CDK19: variants seen among roughly 807,000 people sequenced by gnomAD.
The protein encoded by CDK19 is cyclin-dependent kinase 19.
In CDK19, 20 loss-of-function variants were observed where a neutral mutation model predicts 68.3. The observed-to-expected ratio is 0.29, with a 90% CI of 0.21 to 0.43. The LOEUF is 0.43. Among genes scored for constraint, CDK19 ranks in the 20% least tolerant of loss-of-function variants. The pLI, the probability that CDK19 is intolerant of heterozygous loss-of-function variation, is 1.00. For synonymous variants in CDK19, 221 were observed against 222.8 expected (o/e 0.99, Z 0.07); for missense variants, 339 against 623.5 (o/e 0.54, Z 4.86).
chr6:110,701,246 G>C (rs2114636941), intron 2 of CDK19, among the ~76,000 whole-genome samples: 2 of 141,920 alleles, frequency 1.4e-5, no homozygotes, highest in South Asian at 2.3e-4. Context: ...AAAGAAAAAA[G>C]AAAAAGAAAA....
intron 2 of CDK19, among the ~76,000 whole-genome samples, chr6:110,735,245 C>G (rs560792267): frequency 6.6e-6 from 1 of 152,018 alleles, no homozygotes; most frequent in South Asian, 2.1e-4. Context: ...CCACGCCCAG[C>G]ACACAAATTT....
intron 2 of CDK19, among the ~76,000 whole-genome samples, chr6:110,742,428 AG>A (rs1016228051): frequency 1.3e-5 from 2 of 152,200 alleles, no homozygotes; most frequent in Non-Finnish European, 2.9e-5. Context: ...ATATGAAATC[AG>A]TGCACCCTGA....
At chr6:110,632,003 A>T in intron 6 of CDK19, 27 bp downstream of exon 6, 1 of 1,580,748 alleles carries the variant, frequency 6.3e-7, no homozygotes, top group Non-Finnish European at 8.6e-7. Context: ...AGATGACAAG[A>T]TAGTAAATCA....
At chr6:110,737,269 G>A (rs533946674) in intron 2 of CDK19, among the ~76,000 whole-genome samples, 2 of 152,208 alleles carry the variant, frequency 1.3e-5, no homozygotes, top group Non-Finnish European at 2.9e-5. Context: ...GATGAGCAAA[G>A]CTGATATCTT....
At chr6:110,733,074 C>T (rs564572368) in intron 2 of CDK19, among the ~76,000 whole-genome samples, 1 of 152,210 alleles carries the variant, frequency 6.6e-6, no homozygotes, top group Admixed American at 6.5e-5. Context: ...ATTTTCATTA[C>T]CCTGTAAAGT....
chr6:110,751,974 T>C (rs1241478314), intron 1 of CDK19, among the ~76,000 whole-genome samples: 2 of 152,098 alleles, frequency 1.3e-5, no homozygotes, highest in African/African-American at 4.8e-5. Flanking sequence ...TATTATGTGA[T>C]GATTTGGCTT....
At chr6:110,757,671 T>A (rs1255817601) in intron 1 of CDK19, among the ~76,000 whole-genome samples, 1 of 152,200 alleles carries the variant, frequency 6.6e-6, no homozygotes, top group Non-Finnish European at 1.5e-5. Flanking sequence ...GTGTGACATG[T>A]AATGACAACA....
At chr6:110,759,659 T>G (rs1779100830) in intron 1 of CDK19, among the ~76,000 whole-genome samples, 1 of 151,678 alleles carries the variant, frequency 6.6e-6, no homozygotes, top group Non-Finnish European at 1.5e-5. Flanking sequence ...ATATTAACAC[T>G]GGAGATAATT....
At chr6:110,811,484 G>A (rs1479769365) in intron 1 of CDK19, among the ~76,000 whole-genome samples, 1 of 152,184 alleles carries the variant, frequency 6.6e-6, no homozygotes, top group East Asian at 1.9e-4. Flanking sequence ...CTGGTCTCAG[G>A]TGATCCACCT....
At chr6:110,709,915 A>T (rs1190885713) in intron 2 of CDK19, among the ~76,000 whole-genome samples, 1 of 152,218 alleles carries the variant, frequency 6.6e-6, no homozygotes, top group African/African-American at 2.4e-5. Flanking sequence ...TTAGTGACAC[A>T]TCTGAATATC....
chr6:110,733,946 C>T (rs150777711), intron 2 of CDK19, among the ~76,000 whole-genome samples: 5 of 152,166 alleles, frequency 3.3e-5, no homozygotes, highest in African/African-American at 9.6e-5. Context: ...TCCTTTTGAT[C>T]ATTTTTAGTT....
intron 1 of CDK19, among the ~76,000 whole-genome samples, chr6:110,765,874 A>G (rs1490354645): frequency 6.6e-6 from 1 of 152,200 alleles, no homozygotes; most frequent in Non-Finnish European, 1.5e-5. Flanking sequence ...TCATTATCAG[A>G]GAAATGCAAA....
chr6:110,791,210 TAAA>T (rs1368110071), intron 1 of CDK19, among the ~76,000 whole-genome samples: 2 of 144,690 alleles, frequency 1.4e-5, no homozygotes, highest in Non-Finnish European at 2.9e-5. Context: ...ATTAATTAAA[TAAA>T]AATGTAGAAC....
intron 1 of CDK19, among the ~76,000 whole-genome samples, chr6:110,771,514 G>C (rs1304980512): frequency 6.6e-6 from 1 of 152,124 alleles, no homozygotes; most frequent in East Asian, 1.9e-4. Context: ...TTTTCTCCTA[G>C]GACTCCAGGC....
intron 1 of CDK19, among the ~76,000 whole-genome samples, chr6:110,804,488 G>T (rs984927526): frequency 6.6e-6 from 1 of 151,446 alleles, no homozygotes; most frequent in African/African-American, 2.4e-5. Context: ...GACTACTCAG[G>T]GTAGGTGCGT....
chr6:110,611,859 T>A lies in CDK19; in HGVS notation c.*2676A>T, dbSNP rs1236098953. 6.6e-6 allele frequency: 1 copy of A among 151,440 alleles called. No homozygotes were observed. The highest frequency in any genetic ancestry group is 6.6e-5 in the Admixed American group (1 of 15,198). The allele number at this position is 151,440 out of a possible 1,614,324, so 9.4% of individuals were successfully genotyped here. On this transcript the variant is annotated 3_prime_UTR_variant, in exon 13 of 13. Transcript: ENST00000368911. ...AAATTATTACTAAGGGTAAAGGGAA[T>A]CAGTGGGTAGCACGAACCCTGAGGC...
chr6:110,772,388 A>C (rs1780082174), intron 1 of CDK19, among the ~76,000 whole-genome samples: 1 of 151,824 alleles, frequency 6.6e-6, no homozygotes, highest in Non-Finnish European at 1.5e-5. Flanking sequence ...CCCTTAATTC[A>C]AATTATCTCC....
chr6:110,655,083 A>G (rs765808501), intron 4 of CDK19, among the ~76,000 whole-genome samples: 3 of 152,116 alleles, frequency 2.0e-5, no homozygotes, highest in Non-Finnish European at 2.9e-5. Flanking sequence ...AAAATCCTCG[A>G]TAGGCCGGGC....
chr6:110,719,756 A>AATCTCACTCT (rs1775680999), intron 2 of CDK19, among the ~76,000 whole-genome samples: 1 of 152,050 alleles, frequency 6.6e-6, no homozygotes, highest in Non-Finnish European at 1.5e-5. Context: ...TTTGAGACAG[A>AATCTCACTCT]GTCTCACTCT....
Sources: gnomAD v4.1 joint callset for allele counts (sites outside exome capture counted in the v4.1 genomes callset) on GRCh38, gnomAD v4.1.1 for gene constraint, MANE v1.5 for transcripts, NCBI Gene and HGNC (gene_info 2026-07-23, HGNC 2026-07-21) for gene names.